The following ATG14 variants were observed in gnomAD, a reference collection of about 807,000 sequenced individuals.
ATG14 encodes the protein beclin 1-associated autophagy-related key regulator.
In ATG14, 35 loss-of-function variants were observed where a neutral mutation model predicts 60.4. The observed-to-expected ratio is 0.58, with a 90% CI of 0.44 to 0.77. The LOEUF is 0.77. Ranked by LOEUF, ATG14 falls within the 30% of genes least tolerant of loss-of-function variation. The pLI is 0.00. For missense variants in ATG14, 647 were observed against 626.3 expected (o/e 1.03, Z -0.35); for synonymous variants, 234 against 228.8 (o/e 1.02, Z -0.21).
At chr14:55,394,246 C>T (rs765679877) in intron 3 of ATG14, among the ~76,000 whole-genome samples, 1 of 151,812 alleles carries the variant, frequency 6.6e-6, no homozygotes, top group Non-Finnish European at 1.5e-5. Context: ...ACCTTGTGAT[C>T]CACTTGCCTC....
chr14:55,384,008 C>T (rs993218097), intron 5 of ATG14, among the ~76,000 whole-genome samples: 5 of 152,144 alleles, frequency 3.3e-5, no homozygotes, highest in African/African-American at 1.2e-4. Context: ...TTTCCTTCTG[C>T]CACAACATAC....
chr14:55,395,947 T>A lies in ATG14; in HGVS notation c.320A>T (p.Asp107Val). 6.3e-7 allele frequency: 1 copy of A among 1,593,530 alleles called. No homozygotes were observed. The highest frequency in any genetic ancestry group is 8.5e-7 in the Non-Finnish European group (1 of 1,171,520). ...ACATGTATTACAACTTACCAACTGA[T>A]CTGTTATCCATTTTCCTTCCATAGC... Reference protein sequence around the residue: ...LKAMEGKWITDQLRWKIMSCK... With the variant: ...LKAMEGKWITVQLRWKIMSCK... Residue 107 changes from aspartate (D) to valine (V), a missense_variant, in exon 3 of 10, where the codon GAT becomes GTT. Asp to Val is a radical substitution (Grantham distance 152, BLOSUM62 -3). Transcript: ENST00000247178.
chr14:55,369,560 G>A lies in ATG14; in HGVS notation c.*59C>T. 3 of 1,364,264 alleles carry A rather than the reference G, an allele frequency of 2.2e-6. No individual in the cohort carries two copies. Among genetic ancestry groups the A allele is most frequent in the Non-Finnish European group, 2.9e-6 (3 of 1,017,526 alleles). The allele number at this position is 1,364,264 out of a possible 1,614,324, so 84.5% of individuals were successfully genotyped here. A position where few individuals can be genotyped will look rare whatever the true frequency, so the allele number is the denominator to read the frequency against. Reference sequence around the variant, plus strand: ...TAACTTAAACAGAAAATGTTTACTAGAGTGTAGTGGGAGAAGAACTTTCTT... The same window carrying A: ...TAACTTAAACAGAAAATGTTTACTAAAGTGTAGTGGGAGAAGAACTTTCTT... On this transcript the variant is annotated 3_prime_UTR_variant, in exon 10 of 10. Coordinates refer to ENST00000247178, the MANE Select transcript of ATG14 (RefSeq NM_014924.5).
intron 6 of ATG14, 98 bp downstream of exon 6, chr14:55,381,864 C>G: frequency 1.0e-6 from 1 of 971,890 alleles, no homozygotes; most frequent in South Asian, 1.5e-5. Context: ...GTACTAAATG[C>G]CCCTGAATGG....
rs758827184 is a variant in ATG14 at position 55,377,809 on chromosome 14, ATCT to A, written c.1172+7_1172+9del. 6.4e-7 allele frequency: 1 copy of A among 1,552,962 alleles called. No homozygotes were observed. On this transcript the variant is annotated splice_region_variant and intron_variant, in intron 9 of 9. Coordinates refer to ENST00000247178, the MANE Select transcript of ATG14 (RefSeq NM_014924.5). ...AAACACTTAGAGAAAAGCAACAAAT[ATCT>A]TCTTACCTGCCTAGGTGTTCAGAGC...
intron 5 of ATG14, among the ~76,000 whole-genome samples, chr14:55,384,190 T>C (rs1224858913): frequency 6.6e-6 from 1 of 152,200 alleles, no homozygotes; most frequent in African/African-American, 2.4e-5. Context: ...TGGCATATAA[T>C]AACATACACT....
Position 55,391,867 on chromosome 14 carries a change from A to G in ATG14, c.328-875T>C, listed in dbSNP as rs565079619. Reference sequence around the variant, plus strand: ...CAACTAGTACTTGCAAGTTAATAAAAATGGCAAAAAACATTATTTTTTCAG... The same window carrying G: ...CAACTAGTACTTGCAAGTTAATAAAGATGGCAAAAAACATTATTTTTTCAG... On this transcript the variant is annotated intron_variant, in intron 3 of 9. Coordinates refer to ENST00000247178, the MANE Select transcript of ATG14 (RefSeq NM_014924.5). Among the ~76,000 whole-genome samples, 25 of 152,324 alleles carry G rather than the reference A, an allele frequency of 1.6e-4. 1 individual carries two copies. Among genetic ancestry groups the G allele is most frequent in the Admixed American group, 1.6e-3 (24 of 15,294 alleles).
chr14:55,411,716 A>G lies in ATG14; in HGVS notation c.107T>C (p.Leu36Pro). 1.9e-6 allele frequency: 3 copies of G among 1,612,542 alleles called. No individual in the cohort carries two copies. Among genetic ancestry groups the G allele is most frequent in the East Asian group, 2.2e-5 (1 of 44,844 alleles). The change falls in exon 1 of 10, where the codon CTG (leucine) becomes CCG (proline). Residue 36 changes from leucine to proline, a missense_variant. Leu to Pro is a moderately conservative substitution (Grantham distance 98, BLOSUM62 -3). Transcript: ENST00000247178. ...CGGGCAGCGCTCCACAGCCACGTAC[A>G]GCCCCTCCGCATCGTCCACGGAGTC... ...LVDSVDDAEG[L>P]YVAVERCPLC...
At position 55,380,298 on chromosome 14, in the gene ATG14, A is replaced by T. The variant is rs570763592; in HGVS notation, c.995+275T>A. Among the ~76,000 whole-genome samples the T allele has an allele frequency of 7.2e-5, 11 of 152,204 alleles. No homozygotes were observed. The South Asian group carries it at 2.3e-3, about 32-fold the overall frequency. The stretch of plus-strand genomic sequence containing the variant: ...CAAATCAAAGAATTCAACGGCTGCG[A>T]TTTAACATATGAGGATCTGCAGCAA... On this transcript the variant is annotated intron_variant, in intron 7 of 9. Coordinates refer to ENST00000247178, the MANE Select transcript of ATG14 (RefSeq NM_014924.5).
Position 55,411,590 on chromosome 14 carries a change from C to T in ATG14, c.221+12G>A. The T allele has an allele frequency of 1.9e-6, 3 of 1,596,268 alleles. 1 individual carries two copies. In the South Asian group the frequency reaches 3.4e-5, roughly 18 times the overall value. The stretch of plus-strand genomic sequence containing the variant: ...AGCAGAAGAAACAATAGGGCCGTGG[C>T]GGCCGCCGTACCTCTCCCGGTCGCG... On this transcript the variant is annotated intron_variant, in intron 1 of 9. Transcript: ENST00000247178.
At chr14:55,380,818 G>T in intron 6 of ATG14, 128 bp from the exon 7 acceptor site, 1 of 367,518 alleles carries the variant, frequency 2.7e-6, no homozygotes, top group African/African-American at 2.3e-5. Flanking sequence ...CTTAATAGAT[G>T]CTCCATGACC....
rs755725676 is a variant in ATG14 at position 55,411,792 on chromosome 14, C to T, written c.31G>A (p.Ala11Thr). The T allele has an allele frequency of 6.2e-7, 1 of 1,600,400 alleles. No individual in the cohort carries two copies. Among genetic ancestry groups the T allele is most frequent in the Non-Finnish European group, 8.5e-7 (1 of 1,174,118 alleles). MASPSGKGAR[A>T]LEAPGCGPRP... ...GGCCCGCAGCCAGGAGCCTCCAGCGCCCGGGCTCCCTTCCCACTGGGAGAC... is the reference window on the plus strand; with the variant it reads ...GGCCCGCAGCCAGGAGCCTCCAGCGTCCGGGCTCCCTTCCCACTGGGAGAC... The change falls in exon 1 of 10, where the codon GCG (alanine) becomes ACG (threonine). Residue 11 changes from alanine to threonine, a missense_variant. Coordinates refer to ENST00000247178, the MANE Select transcript of ATG14 (RefSeq NM_014924.5).
At chr14:55,379,283 C>T (rs909758998) in intron 7 of ATG14, among the ~76,000 whole-genome samples, 1 of 152,048 alleles carries the variant, frequency 6.6e-6, no homozygotes, top group African/African-American at 2.4e-5. Context: ...TGCCTGTAAT[C>T]CCAGCACTGT....
intron 9 of ATG14, among the ~76,000 whole-genome samples, chr14:55,374,569 G>A (rs1431890759): frequency 6.6e-6 from 1 of 152,038 alleles, no homozygotes; most frequent in Non-Finnish European, 1.5e-5. Flanking sequence ...TTTCCTTTAT[G>A]GTTTTTGGGT....
At position 55,369,281 on chromosome 14, in the gene ATG14, A is replaced by ATATCTATC. The variant is rs146474280; in HGVS notation, c.*337_*338insGATAGATA. 5.4e-6 allele frequency: 1 copy of ATATCTATC among 185,862 alleles called. No individual in the cohort carries two copies. Among genetic ancestry groups the ATATCTATC allele is most frequent in the African/African-American group, 2.3e-5 (1 of 42,620 alleles). 11.5% of individuals were successfully genotyped at this position (185,862 alleles called of 1,614,324 possible). A position where few individuals can be genotyped will look rare whatever the true frequency, so the allele number is the denominator to read the frequency against. ...ACCGCAAGGACCAGCACACTGACCC[A>ATATCTATC]TATCTGTGGGCCCGGTGGCCCGGGC... On this transcript the variant is annotated 3_prime_UTR_variant, in exon 10 of 10. Coordinates refer to ENST00000247178, the MANE Select transcript of ATG14 (RefSeq NM_014924.5).
intron 4 of ATG14, among the ~76,000 whole-genome samples, chr14:55,389,476 T>C (rs17128437): frequency 0.014 from 2,207 of 152,330 alleles, 61 homozygotes; most frequent in African/African-American, 0.049. Flanking sequence ...GTGAGCACTT[T>C]ATTAGGACAA....
chr14:55,393,114 G>A (rs1368380040), intron 3 of ATG14, among the ~76,000 whole-genome samples: 1 of 152,184 alleles, frequency 6.6e-6, no homozygotes, highest in Non-Finnish European at 1.5e-5. Flanking sequence ...GGGCGCGGTG[G>A]CTCACGCCTG....
intron 1 of ATG14, among the ~76,000 whole-genome samples, chr14:55,401,264 G>GT (rs5808813): frequency 0.11 from 16,410 of 148,570 alleles, 2,455 homozygotes; most frequent in African/African-American, 0.34. Flanking sequence ...ATTTTTTATA[G>GT]TTTTTTTTTT....
In ATG14 at chr14:55,380,671, A is replaced by G; in HGVS notation, c.897T>C (p.Pro299=). The change falls in exon 7 of 10, where the codon CCT becomes CCC. Residue 299 remains proline (P), a synonymous_variant. Coordinates refer to ENST00000247178, the MANE Select transcript of ATG14 (RefSeq NM_014924.5). ...ACAGCGCAGCACTGATGGTGTAGGC[A>G]GGGTTACTCTGCTCCATGTCTGCAG... ...TQGPDMEQSN[P]AYTISAALCY... is the part of the protein sequence containing the mutation. The G allele has an allele frequency of 6.2e-7, 1 of 1,607,684 alleles. No individual in the cohort carries two copies. Among genetic ancestry groups the G allele is most frequent in the Non-Finnish European group, 8.5e-7 (1 of 1,176,940 alleles).
Sources: allele counts gnomAD v4.1 joint callset (sites outside exome capture counted in the v4.1 genomes callset), GRCh38; gene constraint gnomAD v4.1.1; transcripts MANE v1.5; gene names NCBI Gene and HGNC (gene_info 2026-07-23, HGNC 2026-07-21).